EIF2B3: variants seen among roughly 807,000 people sequenced by gnomAD.
EIF2B3 encodes the protein translation initiation factor eIF2B subunit gamma.
Under a neutral mutation model 54.1 loss-of-function variants are expected in EIF2B3, and 20 were observed. The ratio of observed to expected loss-of-function variants is 0.37; its 90% CI spans 0.26 to 0.54. The LOEUF is 0.54. Among genes scored for constraint, EIF2B3 ranks in the 20% least tolerant of loss-of-function variants. EIF2B3 has a pLI of 0.86. For synonymous variants in EIF2B3, 153 were observed against 188.1 expected (o/e 0.81, Z 1.52); for missense variants, 448 against 547.8 (o/e 0.82, Z 1.82).
chr1:44,983,554 T>C (rs1644536847), intron 1 of EIF2B3, among the ~76,000 whole-genome samples: 1 of 152,174 alleles, frequency 6.6e-6, no homozygotes, highest in Non-Finnish European at 1.5e-5. Context: ...AATGTTATTA[T>C]GAAAAGAGCA....
chr1:44,886,469 C>T (rs1655588383), intron 6 of EIF2B3, among the ~76,000 whole-genome samples: 1 of 152,190 alleles, frequency 6.6e-6, no homozygotes, highest in Non-Finnish European at 1.5e-5. Context: ...AAAATGTTCA[C>T]AATAGTTATC....
chr1:44,883,125 C>T (rs909481437), intron 6 of EIF2B3, among the ~76,000 whole-genome samples: 7 of 150,920 alleles, frequency 4.6e-5, no homozygotes, highest in Admixed American at 2.0e-4. Context: ...GATGGTGTCT[C>T]GTCATGTTGA....
intron 8 of EIF2B3, among the ~76,000 whole-genome samples, chr1:44,879,251 T>A (rs920351182): frequency 2.0e-5 from 3 of 152,174 alleles, no homozygotes; most frequent in African/African-American, 7.2e-5. Context: ...TTGAGGACAC[T>A]GCTTCTCCTT....
intron 5 of EIF2B3, among the ~76,000 whole-genome samples, chr1:44,899,783 C>T (rs1165380133): frequency 1.3e-5 from 2 of 152,114 alleles, no homozygotes; most frequent in African/African-American, 2.4e-5. Flanking sequence ...GGAGATATTT[C>T]AAAGAACTAA....
chr1:44,917,785 T>C, intron 5 of EIF2B3, among the ~76,000 whole-genome samples: 1 of 120,390 alleles, frequency 8.3e-6, no homozygotes. Flanking sequence ...TTTTTTTTTT[T>C]TTTTTTGAGA....
At chr1:44,895,156 T>A (rs183227437) in intron 6 of EIF2B3, among the ~76,000 whole-genome samples, 30 of 152,096 alleles carry the variant, frequency 2.0e-4, no homozygotes, top group Non-Finnish European at 1.5e-5. Flanking sequence ...GATCTTGAGG[T>A]GGGGAAACAG....
At chr1:44,956,479 CT>C (rs1255331647) in intron 3 of EIF2B3, among the ~76,000 whole-genome samples, 1 of 139,392 alleles carries the variant, frequency 7.2e-6, no homozygotes, top group African/African-American at 3.0e-5. Context: ...AAATCTGCAA[CT>C]TAAAGTATAA....
intron 3 of EIF2B3, 114 bp downstream of exon 3, chr1:44,978,201 G>T: frequency 1.6e-6 from 2 of 1,239,936 alleles, no homozygotes; most frequent in Non-Finnish European, 2.3e-6. Flanking sequence ...ACTGCACTCC[G>T]GCCTAGGTGA....
intron 4 of EIF2B3, among the ~76,000 whole-genome samples, chr1:44,927,200 C>T (rs189368967): frequency 6.6e-6 from 1 of 151,536 alleles, no homozygotes; most frequent in East Asian, 1.9e-4. Context: ...GGCCATTTTG[C>T]GTTACTATAA....
chr1:44,955,792 C>A (rs1644217420), intron 3 of EIF2B3, among the ~76,000 whole-genome samples: 1 of 152,050 alleles, frequency 6.6e-6, no homozygotes, highest in Admixed American at 6.6e-5. Flanking sequence ...AGAAAAATCC[C>A]AATCAAAACC....
At chr1:44,910,763 G>A (rs1440732589) in intron 5 of EIF2B3, among the ~76,000 whole-genome samples, 1 of 150,868 alleles carries the variant, frequency 6.6e-6, no homozygotes, top group Non-Finnish European at 1.5e-5. Context: ...TTACAGGTGT[G>A]AGCCACCACA....
In EIF2B3 at chr1:44,900,771, G is replaced by A. The variant is rs1056748075; in HGVS notation, c.567-3327C>T. On this transcript the variant is annotated intron_variant, in intron 5 of 11. Transcript: ENST00000360403. ...AAAAAAAACTGCAGCCATTCTAATG[G>A]GTGTGAAGCAGTATCATCAAAGTTT... is the stretch of plus-strand genomic sequence containing the variant. Among the ~76,000 whole-genome samples, 3 of 152,024 alleles carry A rather than the reference G, an allele frequency of 2.0e-5. No individual in the cohort carries two copies. In the South Asian group the frequency reaches 6.2e-4, roughly 32 times the overall value.
intron 5 of EIF2B3, among the ~76,000 whole-genome samples, chr1:44,909,853 C>T (rs263965): frequency 0.43 from 65,393 of 151,870 alleles, 14,971 homozygotes; most frequent in African/African-American, 0.59. Flanking sequence ...TTTCAAGACT[C>T]CCACACCATT....
At chr1:44,960,214 T>C (rs1644269321) in intron 3 of EIF2B3, among the ~76,000 whole-genome samples, 1 of 152,238 alleles carries the variant, frequency 6.6e-6, no homozygotes, top group South Asian at 2.1e-4. Context: ...TTTTGACATT[T>C]ACAGTTGGCC....
intron 5 of EIF2B3, among the ~76,000 whole-genome samples, chr1:44,907,890 C>CA (rs71587071): frequency 0.077 from 3,620 of 46,818 alleles, 274 homozygotes; most frequent in Middle Eastern, 0.11. Flanking sequence ...AACTCCATCT[C>CA]AAAAAAAAAA....
intron 3 of EIF2B3, among the ~76,000 whole-genome samples, chr1:44,954,897 C>G (rs1644205720): frequency 1.3e-5 from 2 of 152,142 alleles, no homozygotes; most frequent in South Asian, 4.1e-4. Flanking sequence ...TACGTTCCAT[C>G]AATACCTAGT....
At chr1:44,900,394 CT>C (rs1643257786) in intron 5 of EIF2B3, among the ~76,000 whole-genome samples, 1 of 136,408 alleles carries the variant, frequency 7.3e-6, no homozygotes, top group African/African-American at 2.7e-5. Flanking sequence ...TTGCAGTTAG[CT>C]GATAACATGC....
intron 5 of EIF2B3, among the ~76,000 whole-genome samples, chr1:44,902,821 T>C (rs2078329): frequency 0.2 from 23,004 of 117,190 alleles, 2,146 homozygotes; most frequent in African/African-American, 0.21. Flanking sequence ...GAAAAGAGAC[T>C]CTTTCTTTAA....
intron 4 of EIF2B3, among the ~76,000 whole-genome samples, chr1:44,934,848 A>G (rs1052980112): frequency 3.9e-5 from 6 of 152,132 alleles, no homozygotes; most frequent in African/African-American, 1.4e-4. Flanking sequence ...GACTGAGAGG[A>G]GAAAATAGTT....
Sources: allele counts gnomAD v4.1 joint callset (sites outside exome capture counted in the v4.1 genomes callset), GRCh38; gene constraint gnomAD v4.1.1; transcripts MANE v1.5; gene names NCBI Gene and HGNC (gene_info 2026-07-23, HGNC 2026-07-21).